Variants in LIPG observed in about 807,000 individuals in gnomAD.
LIPG encodes lipase G, endothelial type.
Under a neutral mutation model 51.8 loss-of-function variants are expected in LIPG, and 34 were observed. The ratio of observed to expected loss-of-function variants is 0.66; its 90% CI spans 0.50 to 0.87. The LOEUF (loss-of-function observed/expected upper bound fraction) is 0.87, where lower values mean the gene tolerates loss of function less well. LIPG is among the 40% of genes least tolerant of loss of function. LIPG has a pLI of 0.00. For synonymous variants in LIPG, 246 were observed against 246.1 expected (o/e 1.00, Z 0.00); for missense variants, 580 against 652.7 (o/e 0.89, Z 1.21).
At position 49,590,169 on chromosome 18, in the gene LIPG, A is replaced by G. The variant is rs369309076; in HGVS notation, c.1482-332A>G. The G allele has an allele frequency of 5.1e-4, 189 of 370,810 alleles. No individual in the cohort carries two copies. In the East Asian group the frequency reaches 5.6e-3, roughly 11 times the overall value. The allele number at this position is 370,810 out of a possible 1,614,324, so 23.0% of individuals were successfully genotyped here. A position where few individuals can be genotyped will look rare whatever the true frequency, so the allele number is the denominator to read the frequency against. On this transcript the variant is annotated intron_variant, in intron 9 of 9. Coordinates refer to ENST00000261292, the MANE Select transcript of LIPG (RefSeq NM_006033.4). ...TAGTTCTCCCCACACTTGTGTGTCC[A>G]TGATTGTGTGTGTGTGTGTGTGTGT...
At chr18:49,581,700 T>A (rs1332170084) in intron 6 of LIPG, 43 bp downstream of exon 6, 1 of 1,604,008 alleles carries the variant, frequency 6.2e-7, no homozygotes, top group Non-Finnish European at 8.5e-7. Flanking sequence ...AGGCCCTTAA[T>A]ACCTCCTTCT....
At position 49,596,675 on chromosome 18, in the gene LIPG, A is replaced by G. The variant is rs1281086498; in HGVS notation, c.*6153A>G. 6.8e-5 allele frequency: 10 copies of G among 146,986 alleles called. No homozygotes were observed. In the East Asian group the frequency reaches 2.0e-3, roughly 29 times the overall value. 9.1% of individuals were successfully genotyped at this position (146,986 alleles called of 1,614,324 possible). The stretch of plus-strand genomic sequence containing the variant: ...AAAAAAAAAGGCCACAGAAATGTCC[A>G]TCCAGCAGGTGGACAATTACCCTTT... On this transcript the variant is annotated 3_prime_UTR_variant, in exon 10 of 10. Coordinates refer to ENST00000261292, the MANE Select transcript of LIPG (RefSeq NM_006033.4).
intron 3 of LIPG, among the ~76,000 whole-genome samples, chr18:49,568,052 T>C (rs1943678): frequency 0.83 from 125,592 of 152,076 alleles, 52,784 homozygotes; most frequent in African/African-American, 0.96. Context: ...TTCTTTGAGA[T>C]GGAGTCTTGT....
rs1238301213 is a variant in LIPG, at chr18:49,591,724, A to C, written c.*1202A>C. On this transcript the variant is annotated 3_prime_UTR_variant, in exon 10 of 10. Coordinates refer to ENST00000261292, the MANE Select transcript of LIPG (RefSeq NM_006033.4). ...AATTAATACACACAATATCTGAGAC[A>C]CTTACACTTTTCAAAAGATTTGTGT... 6.6e-6 allele frequency: 1 copy of C among 152,230 alleles called. No homozygotes were observed. Among genetic ancestry groups the C allele is most frequent in the African/African-American group, 2.4e-5 (1 of 41,458 alleles). 9.4% of individuals were successfully genotyped at this position (152,230 alleles called of 1,614,324 possible). A position where few individuals can be genotyped will look rare whatever the true frequency, so the allele number is the denominator to read the frequency against.
At chr18:49,589,169 G>A (rs887033645) in intron 9 of LIPG, among the ~76,000 whole-genome samples, 1 of 151,998 alleles carries the variant, frequency 6.6e-6, no homozygotes, top group African/African-American at 2.4e-5. Flanking sequence ...CCCGTGCTCC[G>A]GGGTCCCCTG....
At chr18:49,583,526 G>A in intron 7 of LIPG, 30 bp from the exon 8 acceptor site, 1 of 1,592,148 alleles carries the variant, frequency 6.3e-7, no homozygotes, top group Non-Finnish European at 8.6e-7. Context: ...GCTGTTAGGG[G>A]AGTGAGATCA....
In LIPG at chr18:49,582,343, T is replaced by C; in HGVS notation, c.1037-19T>C. ...GACAAGCAAGGGTTACAAGCATCTTTGTTCTGCTGTCACTGCAGTTTACCA... is the reference window on the plus strand; with the variant it reads ...GACAAGCAAGGGTTACAAGCATCTTCGTTCTGCTGTCACTGCAGTTTACCA... On this transcript the variant is annotated intron_variant, in intron 6 of 9. Coordinates refer to ENST00000261292, the MANE Select transcript of LIPG (RefSeq NM_006033.4). 6.8e-6 allele frequency: 11 copies of C among 1,614,174 alleles called. No homozygotes were observed. Among genetic ancestry groups the C allele is most frequent in the Non-Finnish European group, 9.3e-6 (11 of 1,180,012 alleles).
At chr18:49,562,626 G>C (rs993044911) in intron 1 of LIPG, among the ~76,000 whole-genome samples, 1 of 152,206 alleles carries the variant, frequency 6.6e-6, no homozygotes, top group African/African-American at 2.4e-5. Context: ...GGCAGGGTGC[G>C]CTGGCTCTTG....
intron 4 of LIPG, among the ~76,000 whole-genome samples, chr18:49,571,413 G>A (rs1386022672): frequency 6.6e-6 from 1 of 152,242 alleles, no homozygotes; most frequent in South Asian, 2.1e-4. Flanking sequence ...CTGCCTGTTT[G>A]AGTGGCATCT....
intron 7 of LIPG, 111 bp downstream of exon 7, chr18:49,582,593 C>G: frequency 1.4e-6 from 2 of 1,424,432 alleles, no homozygotes; most frequent in African/African-American, 1.4e-5. Context: ...GAGTGCAGTC[C>G]GACTGCTCAG....
chr18:49,578,132 A>C (rs1600556453), intron 5 of LIPG, among the ~76,000 whole-genome samples: 2 of 72,784 alleles, frequency 2.7e-5, no homozygotes, highest in African/African-American at 6.5e-5. Context: ...ACCCCCCCCC[A>C]CCTCCCTCCC....
At chr18:49,566,954 G>A (rs1403874660) in intron 2 of LIPG, among the ~76,000 whole-genome samples, 1 of 152,194 alleles carries the variant, frequency 6.6e-6, no homozygotes, top group Non-Finnish European at 1.5e-5. Context: ...AGCAATGGAA[G>A]ACAAATACCT....
In LIPG at chr18:49,590,485, A is replaced by C. The variant is rs777439461; in HGVS notation, c.1482-16A>C. ...GTGTGAGCTAACAAATGCCACTCTCACACGGTTTCTTTCAGTCCCACTGTG... is the reference window on the plus strand; with the variant it reads ...GTGTGAGCTAACAAATGCCACTCTCCCACGGTTTCTTTCAGTCCCACTGTG... On this transcript the variant is annotated splice_polypyrimidine_tract_variant and intron_variant, in intron 9 of 9. Transcript: ENST00000261292. The C allele has an allele frequency of 1.9e-6, 3 of 1,599,730 alleles. No homozygotes were observed. Among genetic ancestry groups the C allele is most frequent in the Non-Finnish European group, 2.6e-6 (3 of 1,171,682 alleles).
Position 49,597,393 on chromosome 18 carries a change from C to T in LIPG, c.*6871C>T, listed in dbSNP as rs4939585. 0.28 allele frequency: 42,321 copies of T among 152,016 alleles called. 6,421 individuals are homozygous for T. Among genetic ancestry groups the T allele is most frequent in the South Asian group, 0.4 (1,908 of 4,806 alleles). 9.4% of individuals were successfully genotyped at this position (152,016 alleles called of 1,614,324 possible). On this transcript the variant is annotated 3_prime_UTR_variant, in exon 10 of 10. Coordinates refer to ENST00000261292, the MANE Select transcript of LIPG (RefSeq NM_006033.4). Reference sequence around the variant, plus strand: ...GCCATAGAGAGGTGAAGAGAGGTGTCGGTGCCCTCTTTTGTAACTGTGGGT... The same window carrying T: ...GCCATAGAGAGGTGAAGAGAGGTGTTGGTGCCCTCTTTTGTAACTGTGGGT...
At chr18:49,584,312 A>T (rs1266785088) in intron 8 of LIPG, among the ~76,000 whole-genome samples, 1 of 152,206 alleles carries the variant, frequency 6.6e-6, no homozygotes, top group Non-Finnish European at 1.5e-5. Context: ...ACTGCAAGTA[A>T]CAGAGAATCC....
At chr18:49,561,751 G>T, upstream of LIPG, 3 of 1,243,590 alleles carry the variant, frequency 2.4e-6, no homozygotes, top group South Asian at 1.2e-4. Context: ...GTCCGCCTCC[G>T]CCACTTGGGA....
At chr18:49,587,793 T>C (rs1477179071) in intron 9 of LIPG, among the ~76,000 whole-genome samples, 1 of 151,150 alleles carries the variant, frequency 6.6e-6, no homozygotes, top group Non-Finnish European at 1.5e-5. Context: ...AAGTATCTTT[T>C]TTTTTTTCCT....
At chr18:49,575,149 A>G (rs2084702587) in intron 4 of LIPG, among the ~76,000 whole-genome samples, 1 of 152,180 alleles carries the variant, frequency 6.6e-6, no homozygotes, top group Non-Finnish European at 1.5e-5. Context: ...GAAAGTATAA[A>G]TTCCATAACA....
rs375862406 is a variant in LIPG at position 49,579,797 on chromosome 18, T to C, written c.794-1618T>C. ...TCTTTTCTTTTCTTTTCTTTTCTTTTCTTTTCTTTTCTTTTCTTTTCTTTA... is the reference window on the plus strand; with the variant it reads ...TCTTTTCTTTTCTTTTCTTTTCTTTCCTTTTCTTTTCTTTTCTTTTCTTTA... On this transcript the variant is annotated intron_variant, in intron 5 of 9. Transcript: ENST00000261292. Among the ~76,000 whole-genome samples the C allele has an allele frequency of 3.3e-3, 327 of 99,896 alleles. 6 individuals carry two copies. Among genetic ancestry groups the C allele is most frequent in the African/African-American group, 9.5e-3 (268 of 28,322 alleles). The allele number at this position is 99,896 out of a possible 152,430, so 65.5% of individuals were successfully genotyped here.
Sources: allele counts gnomAD v4.1 joint callset (sites outside exome capture counted in the v4.1 genomes callset), GRCh38; gene constraint gnomAD v4.1.1; transcripts MANE v1.5; gene names NCBI Gene and HGNC (gene_info 2026-07-23, HGNC 2026-07-21).